MEGF8: variants seen among roughly 807,000 people sequenced by gnomAD.
The protein encoded by MEGF8 is multiple epidermal growth factor-like domains protein 8.
MEGF8 carries 156 observed loss-of-function variants against 302.9 expected under a neutral mutation model. The observed-to-expected ratio is 0.52, with a 90% CI of 0.45 to 0.59. The LOEUF is 0.59. MEGF8 is among the 20% of genes least tolerant of loss of function. The pLI, the probability that MEGF8 is intolerant of heterozygous loss-of-function variation, is 0.00. For missense variants in MEGF8, 3,345 were observed against 3,964.5 expected (o/e 0.84, Z 4.20); for synonymous variants, 1,621 against 1,660.5 (o/e 0.98, Z 0.58).
intron 39 of MEGF8, 94 bp downstream of exon 39, chr19:42,370,453 T>C: frequency 8.8e-7 from 1 of 1,130,740 alleles, no homozygotes; most frequent in South Asian, 1.5e-5. Flanking sequence ...CCTGGACCCT[T>C]GGGTTGAGGG....
Position 42,352,534 on chromosome 19 carries a change from G to A in MEGF8, c.3350+78G>A, listed in dbSNP as rs890312820. ...GAGGTGGAGGGAGGAAGCCATCATG[G>A]CGCTGGGTCCCCTCCTGTGGAACCA... On this transcript the variant is annotated intron_variant, in intron 19 of 41. Coordinates refer to ENST00000251268, the MANE Select transcript of MEGF8 (RefSeq NM_001271938.2). This position sits in a 1 kb window ranked among gnomAD's most constrained non-coding sequence, Gnocchi z 4.4. 23 of 1,482,368 alleles carry A rather than the reference G, an allele frequency of 1.6e-5. No individual in the cohort carries two copies. Among genetic ancestry groups the A allele is most frequent in the Non-Finnish European group, 2.1e-5 (23 of 1,106,150 alleles). The allele number at this position is 1,482,368 out of a possible 1,614,324, so 91.8% of individuals were successfully genotyped here.
chr19:42,333,902 A>T, intron 2 of MEGF8, 105 bp from the exon 3 acceptor site: 1 of 1,515,184 alleles, frequency 6.6e-7, no homozygotes, highest in Non-Finnish European at 8.9e-7. Context: ...AAGGAAGGAG[A>T]TGAGGCTCTG....
chr19:42,358,106 C>T lies in MEGF8; in HGVS notation c.5012-38C>T. On this transcript the variant is annotated intron_variant, in intron 28 of 41. Transcript: ENST00000251268. This position sits in a 1 kb window ranked among gnomAD's most constrained non-coding sequence, Gnocchi z 4.4. ...AGGTCGGCGGGGTCAGTGCTGTTGT[C>T]AGCCCCTCCCCCAGCCTGTCACCCT... is the stretch of plus-strand genomic sequence containing the variant. 3 of 1,486,950 alleles carry T rather than the reference C, an allele frequency of 2.0e-6. No individual in the cohort carries two copies. Among genetic ancestry groups the T allele is most frequent in the Admixed American group, 2.6e-5 (1 of 39,008 alleles). The allele number at this position is 1,486,950 out of a possible 1,614,324, so 92.1% of individuals were successfully genotyped here.
chr19:42,367,192 C>T (rs1271237635), intron 35 of MEGF8, among the ~76,000 whole-genome samples: 3 of 152,166 alleles, frequency 2.0e-5, no homozygotes, highest in Non-Finnish European at 4.4e-5. Flanking sequence ...TGCTACCCAG[C>T]CCCTAACCAA....
intron 8 of MEGF8, among the ~76,000 whole-genome samples, chr19:42,342,241 G>C (rs112148761): frequency 1.3e-5 from 2 of 152,332 alleles, no homozygotes; most frequent in Admixed American, 6.5e-5. Context: ...GTGCACGCAG[G>C]TCAGTAAGAG....
Position 42,351,694 on chromosome 19 carries a change from T to C in MEGF8, c.3034T>C (p.Cys1012Arg). 1 of 1,595,250 alleles carries C rather than the reference T, an allele frequency of 6.3e-7. No homozygotes were observed. The highest frequency in any genetic ancestry group is 8.5e-7 in the Non-Finnish European group (1 of 1,171,486). The change falls in exon 18 of 42, where the codon TGC becomes CGC. Residue 1012 changes from cysteine (C) to arginine (R), a missense_variant. Physicochemically the swap from Cys to Arg is radical, Grantham distance 180. Transcript: ENST00000251268. This position sits in a 1 kb window ranked among gnomAD's most constrained non-coding sequence, Gnocchi z 5.6. ...RCRSCDGFLT[C>R]HECLQSHECG... ...CCGGAGCTGCGATGGCTTCCTGACCTGCCATGAGTGTCTGCAGAGCCACGA... is the reference window on the plus strand; with the variant it reads ...CCGGAGCTGCGATGGCTTCCTGACCCGCCATGAGTGTCTGCAGAGCCACGA...
In MEGF8 at chr19:42,355,826, G is replaced by C; in HGVS notation, c.4213G>C (p.Ala1405Pro). Reference sequence around the variant, plus strand: ...GGGCTTCAATGCTTCGGTGGGCTCTGCCCGCTGTGGGTCAGGGGGCCCCGG... The same window carrying C: ...GGGCTTCAATGCTTCGGTGGGCTCTCCCCGCTGTGGGTCAGGGGGCCCCGG... ...SWGFNASVGS[A>P]RCGSGGPGSC... Residue 1405 changes from alanine to proline, a missense_variant, in exon 24 of 42, where the codon GCC (alanine) becomes CCC (proline). Transcript: ENST00000251268. The C allele has an allele frequency of 6.4e-7, 1 of 1,571,544 alleles. No individual in the cohort carries two copies. The highest frequency in any genetic ancestry group is 1.7e-4 in the Middle Eastern group (1 of 6,014).
chr19:42,353,332 G>C lies in MEGF8; in HGVS notation c.3551-133G>C, dbSNP rs1600051738. 1 of 1,164,206 alleles carries C rather than the reference G, an allele frequency of 8.6e-7. No individual in the cohort carries two copies. Among genetic ancestry groups the C allele is most frequent in the East Asian group, 2.6e-5 (1 of 38,820 alleles). The allele number at this position is 1,164,206 out of a possible 1,614,324, so 72.1% of individuals were successfully genotyped here. The stretch of plus-strand genomic sequence containing the variant: ...TCAGTTCCCCCTCTTGGGACTTGCT[G>C]TTTCCCCTGATCTGGGCCTTGGTTT... On this transcript the variant is annotated intron_variant, in intron 20 of 41. Coordinates refer to ENST00000251268, the MANE Select transcript of MEGF8 (RefSeq NM_001271938.2). This position sits in a 1 kb window ranked among gnomAD's most constrained non-coding sequence, Gnocchi z 6.1.
Position 42,344,044 on chromosome 19 carries a change from G to T in MEGF8, c.1759G>T (p.Ala587Ser). The T allele has an allele frequency of 6.2e-7, 1 of 1,613,646 alleles. No homozygotes were observed. Among genetic ancestry groups the T allele is most frequent in the Non-Finnish European group, 8.5e-7 (1 of 1,179,750 alleles). Residue 587 changes from alanine to serine, a missense_variant, in exon 10 of 42, where the codon GCA becomes TCA. Ala to Ser is a moderately conservative substitution (Grantham distance 99). Transcript: ENST00000251268. This position sits in a 1 kb window ranked among gnomAD's most constrained non-coding sequence, Gnocchi z 4.5. The stretch of plus-strand genomic sequence containing the variant: ...TTGGTGCCAAGGAGCCTGCCAAGCT[G>T]CACCCCCTCCTGGGACCCCCTTGGG... ...CSWCQGACQA[A>S]PPPGTPLGAC... is the part of the protein sequence containing the mutation.
Position 42,359,218 on chromosome 19 carries a change from G to T in MEGF8, c.5464G>T (p.Ala1822Ser). ...TCTGCTCTACCAGGTCAACTGCAAT[G>T]CCTGGCTTCTGCCCGACCTCACCCG... ...DVLLYQVNCN[A>S]WLLPDLTRSA... Residue 1822 changes from alanine (A) to serine (S), a missense_variant, in exon 31 of 42, where the codon GCC becomes TCC. Ala to Ser is a moderately conservative substitution (Grantham distance 99, BLOSUM62 1). Transcript: ENST00000251268. The T allele has an allele frequency of 1.3e-6, 2 of 1,588,734 alleles. No individual in the cohort carries two copies. Among genetic ancestry groups the T allele is most frequent in the Non-Finnish European group, 1.7e-6 (2 of 1,167,454 alleles).
Position 42,334,102 on chromosome 19 carries a change from C to T in MEGF8, c.447C>T (p.His149=), listed in dbSNP as rs758727994. ...FSLCPGGCQS[H]GQCQPPGVCA... is the part of the protein sequence containing the mutation. ...TGTGCCCGGGTGGCTGCCAGAGCCA[C>T]GGGCAGTGCCAGCCACCGGGTGTGT... Residue 149 remains histidine (H), a synonymous_variant, in exon 3 of 42, where the codon CAC becomes CAT. Transcript: ENST00000251268. The T allele has an allele frequency of 2.9e-5, 47 of 1,613,228 alleles. No individual in the cohort carries two copies. The highest frequency in any genetic ancestry group is 1.8e-4 in the East Asian group (8 of 44,882).
rs2147521236 is a variant in MEGF8, at chr19:42,376,647, G to A, written c.8410G>A (p.Val2804Ile). 21 of 1,540,076 alleles carry A rather than the reference G, an allele frequency of 1.4e-5. No individual in the cohort carries two copies. Among genetic ancestry groups the A allele is most frequent in the East Asian group, 2.4e-5 (1 of 41,068 alleles). ...CGGCGCCTGCCTGGGGTCAGCCCTCGTCACACTGCGGCACAGGCTGCACGA... is the reference window on the plus strand; with the variant it reads ...CGGCGCCTGCCTGGGGTCAGCCCTCATCACACTGCGGCACAGGCTGCACGA... ...PNGACLGSALVTLRHRLHEYC... is the reference protein window; with the variant it reads ...PNGACLGSALITLRHRLHEYC... The change falls in exon 42 of 42, where the codon GTC (valine) becomes ATC (isoleucine). Residue 2804 changes from valine (V) to isoleucine (I), a missense_variant. By Grantham distance (29) the Val-to-Ile change is conservative. Transcript: ENST00000251268. The surrounding 1 kb of genome is among the most constrained non-coding windows in gnomAD (Gnocchi z 8.2).
rs1442025704 is a variant in MEGF8, at chr19:42,353,057, C to G, written c.3480C>G (p.Ser1160=). 2 of 1,551,338 alleles carry G rather than the reference C, an allele frequency of 1.3e-6. No homozygotes were observed. The highest frequency in any genetic ancestry group is 2.0e-5 in the Admixed American group (1 of 50,900). Residue 1160 remains serine (S), a synonymous_variant, in exon 20 of 42, where the codon TCC becomes TCG. Transcript: ENST00000251268. The surrounding 1 kb of genome is among the most constrained non-coding windows in gnomAD (Gnocchi z 6.1). ...CGGGTCCGCCAGCCCCCCGCTGCTC[C>G]CGGGACTGTGGCTGCAGCTTCCACA... is the stretch of plus-strand genomic sequence containing the variant. The part of the protein sequence containing the change: ...PAPGPPAPRC[S]RDCGCSFHSH...
chr19:42,327,292 G>C (rs2038997329), intron 1 of MEGF8, among the ~76,000 whole-genome samples: 1 of 152,256 alleles, frequency 6.6e-6, no homozygotes, highest in African/African-American at 2.4e-5. Context: ...GACTGAGACA[G>C]CTCCAGCAAT....
In MEGF8 at chr19:42,370,288, A is replaced by T; in HGVS notation, c.6934A>T (p.Ile2312Phe). Residue 2312 changes from isoleucine (I) to phenylalanine (F), a missense_variant, in exon 39 of 42, where the codon ATC (isoleucine) becomes TTC (phenylalanine). Ile to Phe is a conservative substitution (Grantham distance 21). Transcript: ENST00000251268. ...CGCCTTTTGTCGTGGAAATAGCCAC[A>T]TCTGCATCTCCAGGAAGGAGTTACA... ...CHAFCRGNSH[I>F]CISRKELQMS... The T allele has an allele frequency of 6.2e-7, 1 of 1,613,718 alleles. No individual in the cohort carries two copies.
At position 42,326,076 on chromosome 19, in the gene MEGF8, A is replaced by G. The variant is rs1350157368; in HGVS notation, c.-168A>G. ...CCCTCGGCTTCCAGAGCCTGTCAGC[A>G]GTGGCCGTACCCTTCGCCGGGACTG... On this transcript the variant is annotated 5_prime_UTR_variant, in exon 1 of 42. Transcript: ENST00000251268. The G allele has an allele frequency of 1.8e-6, 2 of 1,131,154 alleles. No homozygotes were observed. The highest frequency in any genetic ancestry group is 2.3e-6 in the Non-Finnish European group (2 of 855,086). 70.1% of individuals were successfully genotyped at this position (1,131,154 alleles called of 1,614,324 possible).
chr19:42,351,492 C>T lies in MEGF8; in HGVS notation c.2919C>T (p.His973=), dbSNP rs766105588. Residue 973 remains histidine, a synonymous_variant, in exon 17 of 42, where the codon CAC becomes CAT. Transcript: ENST00000251268. The surrounding 1 kb of genome is among the most constrained non-coding windows in gnomAD (Gnocchi z 5.6). ...SSQCAWCQST[H]TCFLFAAYLA... is the part of the protein sequence containing the mutation. ...AGTGCGCCTGGTGCCAGTCCACCCA[C>T]ACCTGCTTCCTGTTTGCTGCCTACT... The T allele has an allele frequency of 6.5e-5, 104 of 1,605,804 alleles. 1 individual carries two copies. The Admixed American group carries it at 1.8e-3, about 27-fold the overall frequency.
intron 31 of MEGF8, among the ~76,000 whole-genome samples, chr19:42,359,684 T>C (rs1206037): frequency 0.011 from 1,624 of 152,084 alleles, 39 homozygotes; most frequent in African/African-American, 0.037. Context: ...ACCCTTTGTC[T>C]CTTTTTCTAT....
At chr19:42,362,006 G>A (rs985854242) in intron 32 of MEGF8, 84 bp from the exon 33 acceptor site, 3 of 1,553,538 alleles carry the variant, frequency 1.9e-6, no homozygotes, top group Admixed American at 3.7e-5. Flanking sequence ...GGGATGCAGG[G>A]TTGGGGGCCT....
Sources: gnomAD v4.1 joint callset for allele counts (sites outside exome capture counted in the v4.1 genomes callset) on GRCh38, gnomAD v4.1.1 for gene constraint, Gnocchi (gnomAD v3.1) non-coding constraint, MANE v1.5 for transcripts, NCBI Gene and HGNC (gene_info 2026-07-23, HGNC 2026-07-21) for gene names.